The following PDXDC1 variants were observed in gnomAD, a reference collection of about 807,000 sequenced individuals.
The protein encoded by PDXDC1 is pyridoxal-dependent decarboxylase domain-containing protein 1.
Under a neutral mutation model 100.1 loss-of-function variants are expected in PDXDC1, and 42 were observed. The ratio of observed to expected loss-of-function variants is 0.42; its 90% CI spans 0.33 to 0.54. The LOEUF (loss-of-function observed/expected upper bound fraction) is 0.54. Among genes scored for constraint, PDXDC1 ranks in the 20% least tolerant of loss-of-function variants. The pLI is 0.10. For missense variants in PDXDC1, 636 were observed against 979.2 expected (o/e 0.65, Z 4.68); for synonymous variants, 260 against 371.7 (o/e 0.70, Z 3.46).
chr16:15,111,831 TG>T (rs1252097578), intron 16 of PDXDC1, among the ~76,000 whole-genome samples: 1 of 149,004 alleles, frequency 6.7e-6, no homozygotes, highest in African/African-American at 2.4e-5. Flanking sequence ...CACGGTTAGA[TG>T]GTAATTATCA....
intron 19 of PDXDC1, chr16:15,034,051 T>G: frequency 1.7e-6 from 1 of 582,090 alleles, no homozygotes; most frequent in Non-Finnish European, 3.1e-6. Context: ...CTTTATGACT[T>G]CTCTGTTTTC....
At position 15,036,070 on chromosome 16, in the gene PDXDC1, G is replaced by A. The variant is rs148061029; in HGVS notation, c.2162G>A (p.Ser721Asn). 4.6e-3 allele frequency: 7,372 copies of A among 1,614,068 alleles called. 32 individuals are homozygous for A. The highest frequency in any genetic ancestry group is 5.6e-3 in the Non-Finnish European group (6,627 of 1,179,944). ...LRGSDALSETSSVSHIEDLEK... is the reference protein window; with the variant it reads ...LRGSDALSETNSVSHIEDLEK... ...GGTTCAGATGCTTTGAGTGAGACCA[G>A]CTCAGTCAGTCACATTGAAGACTTA... The change falls in exon 23 of 23, where the codon AGC becomes AAC. Residue 721 changes from serine (S) to asparagine (N), a missense_variant. Transcript: ENST00000396410.
At chr16:14,984,877 T>A (rs1267454909) in intron 1 of PDXDC1, among the ~76,000 whole-genome samples, 4 of 150,390 alleles carry the variant, frequency 2.7e-5, no homozygotes, top group South Asian at 2.1e-4. Flanking sequence ...AAAGATGAAA[T>A]TTTTTTTTTT....
chr16:15,046,744 G>A (rs1014690806), intron 16 of PDXDC1, among the ~76,000 whole-genome samples: 4 of 139,642 alleles, frequency 2.9e-5, no homozygotes, highest in Non-Finnish European at 4.6e-5. Flanking sequence ...GTATGGTGGT[G>A]TACACCTGTG....
At chr16:15,026,834 TG>T (rs2042639848) in intron 14 of PDXDC1, 128 bp downstream of exon 14, 5 of 1,084,970 alleles carry the variant, frequency 4.6e-6, no homozygotes, top group Non-Finnish European at 6.8e-6. Context: ...TTCAGAAAAA[TG>T]TAATAATTTT....
At position 15,092,425 on chromosome 16, in the gene PDXDC1, C is replaced by T. The variant is rs971131897; in HGVS notation, c.1400-46454C>T. The T allele has an allele frequency of 5.0e-6, 4 of 800,738 alleles. No homozygotes were observed. The African/African-American group carries it at 5.2e-5, about 10-fold the overall frequency. The allele number at this position is 800,738 out of a possible 1,614,324, so 49.6% of individuals were successfully genotyped here. A position where few individuals can be genotyped will look rare whatever the true frequency, so the allele number is the denominator to read the frequency against. On this transcript the variant is annotated intron_variant, in intron 16 of 16. Transcript: ENST00000535621. ...TCAACTGGTATCTTAATTAATCTTG[C>T]TATTTCTATTGGTCTTTAGTATAAC...
At chr16:15,044,201 A>G (rs993843667) in intron 16 of PDXDC1, 10 of 639,150 alleles carry the variant, frequency 1.6e-5, no homozygotes, top group Non-Finnish European at 2.5e-5. Flanking sequence ...CAAGCTGGGC[A>G]GTCTGTTTCT....
At chr16:15,141,868 G>A (rs1195955909), downstream of PDXDC1, among the ~76,000 whole-genome samples, 1 of 152,204 alleles carries the variant, frequency 6.6e-6, no homozygotes, top group Non-Finnish European at 1.5e-5. Flanking sequence ...GGAACACTGT[G>A]CTGTAAGGAA....
intron 1 of PDXDC1, among the ~76,000 whole-genome samples, chr16:14,977,927 T>C (rs1414949384): frequency 3.3e-5 from 5 of 152,292 alleles, no homozygotes; most frequent in Admixed American, 6.5e-5. Context: ...TAAAATAATA[T>C]CTCTCACTTT....
intron 16 of PDXDC1, among the ~76,000 whole-genome samples, chr16:15,129,433 C>T (rs1182785469): frequency 2.0e-5 from 3 of 152,040 alleles, no homozygotes; most frequent in Non-Finnish European, 4.4e-5. Flanking sequence ...AGCGAGACTC[C>T]GTCTCCAAAA....
At chr16:15,087,745 TA>T (rs1387128202) in intron 16 of PDXDC1, among the ~76,000 whole-genome samples, 3 of 152,140 alleles carry the variant, frequency 2.0e-5, no homozygotes, top group Non-Finnish European at 2.9e-5. Flanking sequence ...ACAAATAAAA[TA>T]AACTATCCTA....
chr16:15,095,766 T>C lies in PDXDC1; in HGVS notation c.1400-43113T>C, dbSNP rs1245192486. ...TTGGGAGGCCGAGGCAGGAGAATAG[T>C]TTGAACCCAGGAGGCAGAGGTTGCA... On this transcript the variant is annotated intron_variant, in intron 16 of 16. Transcript: ENST00000535621. Among the ~76,000 whole-genome samples the C allele has an allele frequency of 2.0e-5, 3 of 151,658 alleles. No homozygotes were observed. In the East Asian group the frequency reaches 5.9e-4, roughly 30 times the overall value.
intron 16 of PDXDC1, among the ~76,000 whole-genome samples, chr16:15,046,778 G>A (rs1271916833): frequency 6.6e-6 from 1 of 151,312 alleles, no homozygotes; most frequent in African/African-American, 2.4e-5. Context: ...GGGAGGCTGA[G>A]GTCGGAGAAT....
chr16:15,081,380 A>G (rs1263806469), intron 16 of PDXDC1, among the ~76,000 whole-genome samples: 1 of 152,188 alleles, frequency 6.6e-6, no homozygotes, highest in Non-Finnish European at 1.5e-5. Context: ...CCTTGTGAAC[A>G]CTTGTTACTG....
intron 16 of PDXDC1, chr16:15,061,528 CAT>C (rs1388828906): frequency 7.2e-5 from 32 of 441,852 alleles, no homozygotes; most frequent in East Asian, 5.2e-4. Flanking sequence ...AAAGATTGCA[CAT>C]GATAGTCTTC....
At chr16:15,110,013 G>A (rs1224297522) in intron 16 of PDXDC1, among the ~76,000 whole-genome samples, 1 of 147,730 alleles carries the variant, frequency 6.8e-6, no homozygotes, top group African/African-American at 2.4e-5. Flanking sequence ...AATTAGCTGG[G>A]CGTGGTGGTG....
chr16:15,009,074 A>G (rs1771222782), intron 7 of PDXDC1, among the ~76,000 whole-genome samples: 1 of 152,294 alleles, frequency 6.6e-6, no homozygotes. Context: ...TAATTACTGT[A>G]TCACCTGCTT....
chr16:15,031,052 A>G (rs2043028918), intron 16 of PDXDC1, among the ~76,000 whole-genome samples: 1 of 151,518 alleles, frequency 6.6e-6, no homozygotes, highest in Non-Finnish European at 1.5e-5. Context: ...CCTGGGCTCA[A>G]GCAATCCCCT....
chr16:15,036,295 G>A lies in PDXDC1; in HGVS notation c.*20G>A, dbSNP rs1398202183. 2 of 1,601,736 alleles carry A rather than the reference G, an allele frequency of 1.2e-6. No individual in the cohort carries two copies. The highest frequency in any genetic ancestry group is 1.7e-6 in the Non-Finnish European group (2 of 1,170,450). On this transcript the variant is annotated 3_prime_UTR_variant, in exon 23 of 23. Transcript: ENST00000396410. The stretch of plus-strand genomic sequence containing the variant: ...AGATGAGACTCATTGTGTGGTTTGA[G>A]ACTGTACTGAGTATTGTTTCAGGGA...
Sources: allele counts gnomAD v4.1 joint callset (sites outside exome capture counted in the v4.1 genomes callset), GRCh38; gene constraint gnomAD v4.1.1; transcripts MANE v1.5; gene names NCBI Gene and HGNC (gene_info 2026-07-23, HGNC 2026-07-21).